GRIA3: variants seen among roughly 807,000 people sequenced by gnomAD.
GRIA3 encodes glutamate receptor 3.
A neutral mutation model predicts 63.0 loss-of-function variants in GRIA3; 3 were observed. The ratio of observed to expected loss-of-function variants is 0.05; its 90% CI spans 0.02 to 0.12. The LOEUF (loss-of-function observed/expected upper bound fraction) is 0.12. Among genes scored for constraint, GRIA3 ranks in the 10% least tolerant of loss-of-function variants. The pLI, the probability that GRIA3 is intolerant of heterozygous loss-of-function variation, is 1.00. For missense variants in GRIA3, 347 were observed against 700.9 expected (o/e 0.50, Z 5.70); for synonymous variants, 274 against 257.9 (o/e 1.06, Z -0.60).
At chrX:123,481,517 A>G (rs2045912742) in intron 14 of GRIA3, among the ~76,000 whole-genome samples, 2 of 112,000 alleles carry the variant, frequency 1.8e-5, no homozygotes, top group Admixed American at 1.9e-4. Flanking sequence ...AATTATTTAA[A>G]TGATACCAAG....
At chrX:123,420,127 A>G (rs2045556833) in intron 11 of GRIA3, among the ~76,000 whole-genome samples, 1 of 111,949 alleles carries the variant, frequency 8.9e-6, no homozygotes, top group South Asian at 3.7e-4. Flanking sequence ...CTTGAACATT[A>G]ATCCAGATAC....
At chrX:123,462,149 G>T (rs2045796296) in intron 12 of GRIA3, among the ~76,000 whole-genome samples, 1 of 110,893 alleles carries the variant, frequency 9.0e-6, no homozygotes, top group African/African-American at 3.3e-5. Flanking sequence ...CTCCCCTCTG[G>T]AATATCAGAA....
intron 2 of GRIA3, among the ~76,000 whole-genome samples, chrX:123,210,386 A>G (rs976952256): frequency 9.1e-6 from 1 of 110,421 alleles, no homozygotes; most frequent in African/African-American, 3.3e-5. Context: ...ATCTTCCTCA[A>G]TCTCTTTGGT....
chrX:123,251,060 T>C (rs2044386698), intron 2 of GRIA3, among the ~76,000 whole-genome samples: 1 of 111,687 alleles, frequency 9.0e-6, no homozygotes, highest in Admixed American at 9.5e-5. Flanking sequence ...ATCTATTAAA[T>C]AGGAATAACA....
chrX:123,217,284 G>A (rs1277129089), intron 2 of GRIA3, among the ~76,000 whole-genome samples: 1 of 111,232 alleles, frequency 9.0e-6, no homozygotes, highest in Non-Finnish European at 1.9e-5. Flanking sequence ...CCTCTCGTAA[G>A]GCAGCCAAGG....
intron 2 of GRIA3, among the ~76,000 whole-genome samples, chrX:123,246,372 T>C (rs1399367297): frequency 2.7e-5 from 3 of 111,934 alleles, no homozygotes; most frequent in Non-Finnish European, 5.6e-5. Context: ...GGCAGGGTTG[T>C]GTTCCTATCT....
At chrX:123,390,663 T>C (rs1569429283) in intron 5 of GRIA3, among the ~76,000 whole-genome samples, 1 of 112,202 alleles carries the variant, frequency 8.9e-6, no homozygotes, top group South Asian at 3.7e-4. Flanking sequence ...TTCCTGTATT[T>C]GTATGTCTAA....
At chrX:123,472,701 G>T (rs2045870051) in intron 13 of GRIA3, among the ~76,000 whole-genome samples, 1 of 111,506 alleles carries the variant, frequency 9.0e-6, no homozygotes, top group Non-Finnish European at 1.9e-5. Flanking sequence ...GAATCAAGGG[G>T]TCTACTGCTC....
Position 123,270,577 on chromosome X carries a change from C to T in GRIA3, c.508+17035C>T, listed in dbSNP as rs147028105. ...TGAATGCAAAAACAGGACACATGGT[C>T]TGAAAATACGTTTTCTTTTCTTTCT... On this transcript the variant is annotated intron_variant, in intron 3 of 15. Coordinates refer to ENST00000620443, the MANE Select transcript of GRIA3 (RefSeq NM_007325.5). Among the ~76,000 whole-genome samples the T allele has an allele frequency of 7.7e-4, 87 of 112,295 alleles. No homozygotes were observed. In the Middle Eastern group the frequency reaches 0.014, roughly 18 times the overall value.
At chrX:123,403,230 A>C (rs1249387204) in intron 8 of GRIA3, 132 bp downstream of exon 8, 2 of 582,937 alleles carry the variant, frequency 3.4e-6, no homozygotes, top group East Asian at 3.3e-5. Flanking sequence ...CTCCAGGATG[A>C]AGGAATAGCA....
chrX:123,301,374 T>C (rs901116544), intron 3 of GRIA3, among the ~76,000 whole-genome samples: 3 of 111,447 alleles, frequency 2.7e-5, no homozygotes, highest in Non-Finnish European at 3.8e-5. Context: ...CACATATGTT[T>C]AGGATACTTA....
chrX:123,465,654 T>C (rs774863590), intron 13 of GRIA3: 1 of 1,097,646 alleles, frequency 9.1e-7, no homozygotes, highest in South Asian at 1.8e-5. Flanking sequence ...TTCTTACAAG[T>C]TATGTTTTAT....
intron 5 of GRIA3, among the ~76,000 whole-genome samples, chrX:123,371,309 A>G (rs1265169133): frequency 9.1e-6 from 1 of 109,969 alleles, no homozygotes; most frequent in African/African-American, 3.3e-5. Context: ...GTTGCTTCCA[A>G]ATCTTGGCTA....
intron 3 of GRIA3, among the ~76,000 whole-genome samples, chrX:123,308,034 G>A (rs1248352649): frequency 1.8e-5 from 2 of 111,096 alleles, no homozygotes; most frequent in Non-Finnish European, 1.9e-5. Context: ...GCTTTGACTT[G>A]GGCCTAGGTT....
At chrX:123,225,228 T>C (rs1246788757) in intron 2 of GRIA3, among the ~76,000 whole-genome samples, 1 of 111,937 alleles carries the variant, frequency 8.9e-6, no homozygotes, top group Non-Finnish European at 1.9e-5. Flanking sequence ...GTGTTGCAAG[T>C]AAATGAGATA....
At chrX:123,473,200 A>G (rs1439645391) in intron 13 of GRIA3, among the ~76,000 whole-genome samples, 1 of 111,834 alleles carries the variant, frequency 8.9e-6, no homozygotes, top group Admixed American at 9.5e-5. Context: ...ACATTCAGGA[A>G]CCCCTGTGAA....
At chrX:123,370,004 G>A (rs755439427) in intron 5 of GRIA3, among the ~76,000 whole-genome samples, 1 of 111,768 alleles carries the variant, frequency 8.9e-6, no homozygotes, top group South Asian at 3.8e-4. Context: ...TTATCCTCTA[G>A]GTGTTCAGTG....
Position 123,417,531 on chromosome X carries a change from G to A in GRIA3, c.1630G>A (p.Val544Ile), listed in dbSNP as rs1450619608. Residue 544 changes from valine (V) to isoleucine (I), a missense_variant, in exon 11 of 16, where the codon GTA becomes ATA. Transcript: ENST00000620443. Reference protein sequence around the residue: ...IKKPQKSKPGVFSFLDPLAYE... With the variant: ...IKKPQKSKPGIFSFLDPLAYE... ...GAAGCCTCAGAAATCAAAACCAGGC[G>A]TATTCTCATTTCTGGATCCCCTGGC... The A allele has an allele frequency of 2.5e-6, 3 of 1,210,263 alleles. No individual in the cohort carries two copies. Among genetic ancestry groups the A allele is most frequent in the Non-Finnish European group, 3.4e-6 (3 of 894,485 alleles).
chrX:123,213,407 A>G (rs1928086626), intron 2 of GRIA3, among the ~76,000 whole-genome samples: 1 of 112,167 alleles, frequency 8.9e-6, no homozygotes, highest in Non-Finnish European at 1.9e-5. Flanking sequence ...TGAGGTTGTT[A>G]CTTTTAAACA....
Sources: gnomAD v4.1 joint callset for allele counts (sites outside exome capture counted in the v4.1 genomes callset) on GRCh38, gnomAD v4.1.1 for gene constraint, MANE v1.5 for transcripts, NCBI Gene and HGNC (gene_info 2026-07-23, HGNC 2026-07-21) for gene names.